Variants in DOCK10 observed in about 807,000 individuals in gnomAD.
DOCK10 encodes dedicator of cytokinesis protein 10.
DOCK10 carries 145 observed loss-of-function variants against 280.1 expected under a neutral mutation model. That is an observed-to-expected ratio of 0.52 (90% confidence interval 0.45 to 0.59). The LOEUF is 0.59. Among genes scored for constraint, DOCK10 ranks in the 20% least tolerant of loss-of-function variants. The pLI, the probability that DOCK10 is intolerant of heterozygous loss-of-function variation, is 0.00. For synonymous variants in DOCK10, 915 were observed against 942.2 expected, an observed-to-expected ratio of 0.97 and a Z score of 0.53; for missense variants, 2,368 against 2,651.7, an observed-to-expected ratio of 0.89 and a Z score of 2.35.
At chr2:224,801,406 A>C (rs1693006194) in intron 40 of DOCK10, among the ~76,000 whole-genome samples, 1 of 152,160 alleles carries the variant, frequency 6.6e-6, no homozygotes, top group Non-Finnish European at 1.5e-5. Context: ...GGTTAACTAA[A>C]ACCCCTCTGA....
chr2:224,830,466 G>T, intron 27 of DOCK10, 75 bp downstream of exon 27: 2 of 788,628 alleles, frequency 2.5e-6, no homozygotes, highest in Non-Finnish European at 3.7e-6. Flanking sequence ...TGGAACTCAT[G>T]ACAGCATAAT....
At chr2:224,946,509 A>G (rs942060339) in intron 1 of DOCK10, among the ~76,000 whole-genome samples, 2 of 152,192 alleles carry the variant, frequency 1.3e-5, no homozygotes, top group African/African-American at 4.8e-5. Context: ...TTAGGCAATT[A>G]GAGGCTTTTC....
Position 224,818,613 on chromosome 2 carries a change from T to C in DOCK10, c.3267+833A>G, listed in dbSNP as rs867424684. 1.4e-4 allele frequency among the ~76,000 whole-genome samples: 21 copies of C among 152,240 alleles called. 1 individual carries two copies. Among genetic ancestry groups the C allele is most frequent in the Middle Eastern group, 6.8e-3 (2 of 294 alleles). On this transcript the variant is annotated intron_variant, in intron 29 of 55. Transcript: ENST00000258390. The stretch of plus-strand genomic sequence containing the variant: ...CAGGGTTTCACCGTGTTAGCCAGGA[T>C]GGTCTCGATTTCCTGACCTCGTGAT...
At chr2:224,925,815 T>A (rs912749676) in intron 2 of DOCK10, among the ~76,000 whole-genome samples, 1 of 152,230 alleles carries the variant, frequency 6.6e-6, no homozygotes, top group African/African-American at 2.4e-5. Flanking sequence ...AAGAAACTCA[T>A]TTCTGACTTT....
At chr2:225,033,237 C>T (rs1460284524) in intron 1 of DOCK10, among the ~76,000 whole-genome samples, 1 of 151,778 alleles carries the variant, frequency 6.6e-6, no homozygotes, top group East Asian at 1.9e-4. Context: ...GGCTGGAGTG[C>T]AGTGGCATGA....
chr2:224,911,527 T>C (rs971872567), intron 3 of DOCK10, among the ~76,000 whole-genome samples: 5 of 152,136 alleles, frequency 3.3e-5, no homozygotes, highest in African/African-American at 9.7e-5. Context: ...GATCTAGAGA[T>C]TGGGGGTGAA....
At chr2:225,014,081 A>ATATATATATATATTTTTTTTT in intron 1 of DOCK10, among the ~76,000 whole-genome samples, 1 of 96,824 alleles carries the variant, frequency 1.0e-5, no homozygotes, top group South Asian at 3.6e-4. Flanking sequence ...GTCTGAATAT[A>ATATATATATATATTTTTTTTT]TTGTTTTTTT....
Position 225,042,177 on chromosome 2 carries a change from T to G in DOCK10, c.123+75A>C. 8.3e-7 allele frequency: 1 copy of G among 1,211,224 alleles called. No individual in the cohort carries two copies. Among genetic ancestry groups the G allele is most frequent in the Admixed American group, 4.4e-5 (1 of 22,938 alleles). The allele number at this position is 1,211,224 out of a possible 1,614,324, so 75.0% of individuals were successfully genotyped here. ...TGCGGGGACCTGGGCCCGCCGAGCT[T>G]TTGGGGAAGCTGGGCTCCGTTCCCC... is the stretch of plus-strand genomic sequence containing the variant. On this transcript the variant is annotated intron_variant, in intron 1 of 55. Transcript: ENST00000258390. This position sits in a 1 kb window ranked among gnomAD's most constrained non-coding sequence, Gnocchi z 5.1.
chr2:224,895,471 A>C (rs1049312882), intron 4 of DOCK10, among the ~76,000 whole-genome samples: 1 of 152,230 alleles, frequency 6.6e-6, no homozygotes, highest in Non-Finnish European at 1.5e-5. Context: ...AGTTCTTTAA[A>C]TATGAGCAAC....
chr2:224,994,405 A>C (rs1706211251), intron 1 of DOCK10, among the ~76,000 whole-genome samples: 2 of 152,242 alleles, frequency 1.3e-5, no homozygotes, highest in Non-Finnish European at 2.9e-5. Context: ...GCATGGTGCC[A>C]GGAAGTAGTA....
intron 3 of DOCK10, among the ~76,000 whole-genome samples, chr2:224,906,531 T>G (rs762810425): frequency 6.6e-5 from 10 of 152,154 alleles, no homozygotes; most frequent in Non-Finnish European, 1.3e-4. Flanking sequence ...TGTGCTGGAG[T>G]GCAGTAGTGT....
intron 28 of DOCK10, among the ~76,000 whole-genome samples, chr2:224,820,650 T>A (rs991814342): frequency 1.3e-5 from 2 of 152,218 alleles, no homozygotes; most frequent in Non-Finnish European, 2.9e-5. Context: ...AATCTTGCTA[T>A]GGAGAGTGGA....
At chr2:224,849,666 C>G in intron 18 of DOCK10, 67 bp from the exon 19 acceptor site, 3 of 1,176,780 alleles carry the variant, frequency 2.5e-6, no homozygotes, top group Non-Finnish European at 3.7e-6. Flanking sequence ...AAAAAAAAGT[C>G]CATAACTCTT....
intron 27 of DOCK10, among the ~76,000 whole-genome samples, chr2:224,827,021 G>A (rs1559500996): frequency 6.6e-6 from 1 of 151,954 alleles, no homozygotes; most frequent in Non-Finnish European, 1.5e-5. Flanking sequence ...CCAGCACTTT[G>A]GGAGGCTGAG....
At chr2:224,995,386 TA>T (rs1706243276) in intron 1 of DOCK10, among the ~76,000 whole-genome samples, 1 of 152,230 alleles carries the variant, frequency 6.6e-6, no homozygotes, top group African/African-American at 2.4e-5. Context: ...ATTATATGTA[TA>T]AGAAGCATCT....
intron 1 of DOCK10, among the ~76,000 whole-genome samples, chr2:225,010,181 C>T (rs1379771152): frequency 1.3e-5 from 2 of 152,076 alleles, no homozygotes; most frequent in Non-Finnish European, 2.9e-5. Flanking sequence ...AGCAACCAAG[C>T]CAGGCATTTT....
chr2:224,871,269 T>G (rs568239583), intron 11 of DOCK10, among the ~76,000 whole-genome samples: 3 of 152,036 alleles, frequency 2.0e-5, no homozygotes, highest in Admixed American at 1.3e-4. Context: ...GTAAATGGCA[T>G]CACAATGTGT....
rs549663661 is a variant in DOCK10, at chr2:225,003,207, G to A, written c.123+39045C>T. 2.0e-5 allele frequency among the ~76,000 whole-genome samples: 3 copies of A among 152,168 alleles called. No homozygotes were observed. In the East Asian group the frequency reaches 5.8e-4, roughly 29 times the overall value. ...GACTATGTGTGTACCACCACACCTG[G>A]CTAATGTTTGTATTTTTAGTAGAGG... is the stretch of plus-strand genomic sequence containing the variant. On this transcript the variant is annotated intron_variant, in intron 1 of 55. Coordinates refer to ENST00000258390, the MANE Select transcript of DOCK10 (RefSeq NM_014689.3).
intron 1 of DOCK10, among the ~76,000 whole-genome samples, chr2:225,001,135 T>A (rs1001893987): frequency 1.3e-5 from 2 of 152,210 alleles, no homozygotes; most frequent in South Asian, 4.1e-4. Context: ...TTAAAGTGAC[T>A]GGTTAGCTAC....
Sources: gnomAD v4.1 joint callset for allele counts (sites outside exome capture counted in the v4.1 genomes callset) on GRCh38, gnomAD v4.1.1 for gene constraint, Gnocchi (gnomAD v3.1) non-coding constraint, MANE v1.5 for transcripts, NCBI Gene and HGNC (gene_info 2026-07-23, HGNC 2026-07-21) for gene names.